ATP8B1: variants seen among roughly 807,000 people sequenced by gnomAD.
ATP8B1 encodes the protein phospholipid-transporting ATPase IC.
In ATP8B1, 80 loss-of-function variants were observed where a neutral mutation model predicts 149.9. The observed-to-expected ratio is 0.53, with a 90% CI of 0.45 to 0.64. The LOEUF (loss-of-function observed/expected upper bound fraction) is 0.64. Ranked by LOEUF, ATP8B1 falls within the 30% of genes least tolerant of loss-of-function variation. The probability of loss-of-function intolerance (pLI) is 0.00; values close to 1 mark genes in which losing one functional copy is unlikely to be tolerated. For synonymous variants in ATP8B1, 536 were observed against 562.8 expected (o/e 0.95, Z 0.67); for missense variants, 1,247 against 1,552.6 (o/e 0.80, Z 3.31).
At chr18:57,764,933 T>C (rs751359073) in intron 1 of ATP8B1, among the ~76,000 whole-genome samples, 16 of 152,320 alleles carry the variant, frequency 1.1e-4, no homozygotes, top group South Asian at 2.1e-4. Flanking sequence ...ATCTCACTTC[T>C]GGGTATATAC....
intron 1 of ATP8B1, among the ~76,000 whole-genome samples, chr18:57,773,977 A>T (rs777733156): frequency 2.0e-5 from 3 of 152,194 alleles, no homozygotes; most frequent in Non-Finnish European, 4.4e-5. Context: ...AGGTAATCAG[A>T]TGGAGTTACT....
Position 57,802,207 on chromosome 18 carries a change from C to T in ATP8B1, c.-26+791G>A, listed in dbSNP as rs1283194720. ...GGGCGAGGGGTGTTAAAGCACTGGG[C>T]CATTCTCTGCAACATCTCCCCGCGC... is the stretch of plus-strand genomic sequence containing the variant. On this transcript the variant is annotated intron_variant, in intron 1 of 27. Transcript: ENST00000648908. This position sits in a 1 kb window ranked among gnomAD's most constrained non-coding sequence, Gnocchi z 4.9. Among the ~76,000 whole-genome samples, 1 of 152,110 alleles carries T rather than the reference C, an allele frequency of 6.6e-6. No homozygotes were observed. The highest frequency in any genetic ancestry group is 1.5e-5 in the Non-Finnish European group (1 of 68,008).
At chr18:57,761,692 C>T (rs55880105) in intron 1 of ATP8B1, among the ~76,000 whole-genome samples, 68,581 of 150,222 alleles carry the variant, frequency 0.46, 15,899 homozygotes, top group Middle Eastern at 0.52. Context: ...CAGTGGCTCA[C>T]GTCTGTAATC....
In ATP8B1 at chr18:57,650,376, T is replaced by C; in HGVS notation, c.3522A>G (p.Glu1174=). 2 of 1,613,526 alleles carry C rather than the reference T, an allele frequency of 1.2e-6. No individual in the cohort carries two copies. Among genetic ancestry groups the C allele is most frequent in the Non-Finnish European group, 1.7e-6 (2 of 1,179,622 alleles). ...RFLSMTIWPS[E]SDKIQKHRKR... Reference sequence around the variant, plus strand: ...ACTATATTCTTTATACCTTATCACTTTCTGATGGCCAGATGGTCATTGACA... The same window carrying C: ...ACTATATTCTTTATACCTTATCACTCTCTGATGGCCAGATGGTCATTGACA... The change falls in exon 27 of 28, where the codon GAA becomes GAG. Residue 1174 remains glutamate (E), a synonymous_variant. Coordinates refer to ENST00000648908, the MANE Select transcript of ATP8B1 (RefSeq NM_001374385.1).
chr18:57,750,482 T>C (rs2123260432), intron 1 of ATP8B1, among the ~76,000 whole-genome samples: 1 of 152,302 alleles, frequency 6.6e-6, no homozygotes, highest in Non-Finnish European at 1.5e-5. Context: ...TCCTTTCAAA[T>C]ATTTCGGAGT....
intron 2 of ATP8B1, among the ~76,000 whole-genome samples, chr18:57,717,782 C>T (rs2079598225): frequency 6.6e-6 from 1 of 151,188 alleles, no homozygotes. Flanking sequence ...GTTGCCCAGG[C>T]TGGAGTGCAG....
At position 57,648,852 on chromosome 18, in the gene ATP8B1, T is replaced by TTGTGTG. The variant is rs1161789963; in HGVS notation, c.3532-146_3532-141dup. ...TTGATGCAGGCAGTTCTGTCCCCACTTGTGTGTGTGTGTGTGTGTGTGTGT... is the reference window on the plus strand; with the variant it reads ...TTGATGCAGGCAGTTCTGTCCCCACTTGTGTGTGTGTGTGTGTGTGTGTGTGTGTGT... On this transcript the variant is annotated intron_variant, in intron 27 of 27. Coordinates refer to ENST00000648908, the MANE Select transcript of ATP8B1 (RefSeq NM_001374385.1). The TTGTGTG allele has an allele frequency of 2.6e-4, 143 of 557,238 alleles. 2 individuals are homozygous for TTGTGTG. The highest frequency in any genetic ancestry group is 7.1e-4 in the African/African-American group (31 of 43,728). 34.5% of individuals were successfully genotyped at this position (557,238 alleles called of 1,614,324 possible). A position where few individuals can be genotyped will look rare whatever the true frequency, so the allele number is the denominator to read the frequency against.
chr18:57,654,341 CAG>C (rs928371076), intron 23 of ATP8B1, among the ~76,000 whole-genome samples: 15 of 150,738 alleles, frequency 1.0e-4, no homozygotes, highest in Admixed American at 9.3e-4. Flanking sequence ...TCTTCTGAGA[CAG>C]AGTCTCACTC....
At chr18:57,733,434 C>T (rs971674728) in intron 1 of ATP8B1, among the ~76,000 whole-genome samples, 37 of 152,236 alleles carry the variant, frequency 2.4e-4, no homozygotes, top group African/African-American at 8.2e-4. Flanking sequence ...CAGCCACGCA[C>T]GGTGGCTCAC....
chr18:57,700,362 GAT>G (rs888060097), intron 6 of ATP8B1, among the ~76,000 whole-genome samples: 5 of 152,028 alleles, frequency 3.3e-5, no homozygotes, highest in African/African-American at 1.2e-4. Flanking sequence ...ATGAATGGCA[GAT>G]AAACACATAG....
rs1176127883 is a variant in ATP8B1, at chr18:57,656,867, A to G, written c.2708-1450T>C. 1.3e-5 allele frequency among the ~76,000 whole-genome samples: 2 copies of G among 150,800 alleles called. 1 individual carries two copies. Among genetic ancestry groups the G allele is most frequent in the Non-Finnish European group, 3.0e-5 (2 of 67,764 alleles). On this transcript the variant is annotated intron_variant, in intron 22 of 27. Transcript: ENST00000648908. ...GGGAAGAAGGAGGAAAGGGAGAGAG[A>G]AGGGGAGAGAGACAGACAGACACGG... is the stretch of plus-strand genomic sequence containing the variant.
intron 1 of ATP8B1, among the ~76,000 whole-genome samples, chr18:57,772,191 C>A (rs1365239731): frequency 6.6e-6 from 1 of 152,162 alleles, no homozygotes; most frequent in Admixed American, 6.6e-5. Flanking sequence ...TCCTCTACTA[C>A]CCGCCCATCA....
chr18:57,754,710 G>A (rs1178940494), intron 1 of ATP8B1, among the ~76,000 whole-genome samples: 2 of 152,182 alleles, frequency 1.3e-5, no homozygotes, highest in African/African-American at 2.4e-5. Flanking sequence ...AGTTACTACA[G>A]CCCACGCCGG....
At chr18:57,777,391 AAG>A (rs1400335487) in intron 1 of ATP8B1, among the ~76,000 whole-genome samples, 1 of 152,162 alleles carries the variant, frequency 6.6e-6, no homozygotes, top group East Asian at 1.9e-4. Context: ...AGGCCATTGA[AAG>A]TCAAATTCCA....
chr18:57,700,936 T>G (rs1257956877), intron 6 of ATP8B1, 103 bp downstream of exon 6: 1 of 1,239,294 alleles, frequency 8.1e-7, no homozygotes, highest in Non-Finnish European at 1.2e-6. Flanking sequence ...AAACAGTTAA[T>G]GTACTAATAG....
Position 57,655,180 on chromosome 18 carries a change from C to G in ATP8B1, c.2931+14G>C. On this transcript the variant is annotated intron_variant, in intron 23 of 27. Coordinates refer to ENST00000648908, the MANE Select transcript of ATP8B1 (RefSeq NM_001374385.1). ...TCTACTTAGTAAATAACAATAATAACAACATTACATTACCTGCGCAGAGTA... is the reference window on the plus strand; with the variant it reads ...TCTACTTAGTAAATAACAATAATAAGAACATTACATTACCTGCGCAGAGTA... The G allele has an allele frequency of 6.3e-7, 1 of 1,581,404 alleles. No homozygotes were observed. Among genetic ancestry groups the G allele is most frequent in the South Asian group, 1.1e-5 (1 of 90,368 alleles).
intron 1 of ATP8B1, chr18:57,734,052 C>T (rs993813622): frequency 9.2e-5 from 14 of 151,940 alleles, no homozygotes; most frequent in Admixed American, 2.0e-4. Context: ...CTAGATGATC[C>T]AAAGAGTATT....
chr18:57,681,017 G>A (rs1023313474), intron 15 of ATP8B1, among the ~76,000 whole-genome samples: 6 of 152,132 alleles, frequency 3.9e-5, no homozygotes, highest in African/African-American at 1.4e-4. Context: ...ACTAATCTAG[G>A]TACTGCTGTG....
intron 1 of ATP8B1, among the ~76,000 whole-genome samples, chr18:57,793,510 C>A (rs1030736649): frequency 2.0e-5 from 3 of 152,068 alleles, no homozygotes; most frequent in Non-Finnish European, 2.9e-5. Flanking sequence ...TGCACTGAGC[C>A]ATCTTCCAAG....
Sources: gnomAD v4.1 joint callset for allele counts (sites outside exome capture counted in the v4.1 genomes callset) on GRCh38, gnomAD v4.1.1 for gene constraint, Gnocchi (gnomAD v3.1) non-coding constraint, MANE v1.5 for transcripts, NCBI Gene and HGNC (gene_info 2026-07-23, HGNC 2026-07-21) for gene names.